The following MAN2A2 variants were observed in gnomAD, a reference collection of about 807,000 sequenced individuals.
MAN2A2 encodes mannosidase alpha class 2A member 2.
MAN2A2 carries 79 observed loss-of-function variants against 126.8 expected under a neutral mutation model. That is an observed-to-expected ratio of 0.62 (90% CI 0.52 to 0.75). The LOEUF (loss-of-function observed/expected upper bound fraction) is 0.75, where lower values mean the gene tolerates loss of function less well. MAN2A2 is among the 30% of genes least tolerant of loss of function. The probability of loss-of-function intolerance (pLI) is 0.00; values close to 1 mark genes in which losing one functional copy is unlikely to be tolerated. For missense variants in MAN2A2, 1,392 were observed against 1,522.4 expected (o/e 0.91, Z 1.43); for synonymous variants, 671 against 618.7 (o/e 1.08, Z -1.25).
intron 22 of MAN2A2, 80 bp from the exon 23 acceptor site, chr15:90,919,555 T>C: frequency 6.5e-7 from 1 of 1,530,684 alleles, no homozygotes; most frequent in South Asian, 1.2e-5. Flanking sequence ...CTTAAAGAGG[T>C]ACCAAATTGT....
chr15:90,905,359 A>T lies in MAN2A2; in HGVS notation c.241A>T (p.Asn81Tyr). The T allele has an allele frequency of 2.5e-6, 4 of 1,613,942 alleles. No homozygotes were observed. The highest frequency in any genetic ancestry group is 3.4e-6 in the Non-Finnish European group (4 of 1,180,040). The change falls in exon 3 of 23, where the codon AAC becomes TAC. Residue 81 changes from asparagine (N) to tyrosine (Y), a missense_variant. Transcript: ENST00000559717. ...GGACTCCGTGCTGGAGCTGACAGCC[A>T]ACGCAGAGGGCCCGCCCGCCATGCT... ...IKDSVLELTA[N>Y]AEGPPAMLPY...
intron 7 of MAN2A2, 187 bp from the exon 8 acceptor site, chr15:90,907,122 G>T (rs2034359406): frequency 1.2e-6 from 1 of 802,360 alleles, no homozygotes; most frequent in Non-Finnish European, 1.9e-6. Context: ...GCTTCAGCGT[G>T]CCCTGTGTGC....
In MAN2A2 at chr15:90,910,852, T is replaced by C. The variant is rs2034671499; in HGVS notation, c.1766T>C (p.Leu589Pro). 1 of 1,613,918 alleles carries C rather than the reference T, an allele frequency of 6.2e-7. No individual in the cohort carries two copies. The highest frequency in any genetic ancestry group is 8.5e-7 in the Non-Finnish European group (1 of 1,179,860). ...CTCTCCTGCGCCACCCACAGGCTTC[T>C]GCGCTCCCTTGTCAACCTGAAGCAG... ...AVVVDYGVRL[L>P]RSLVNLKQVI... Residue 589 changes from leucine (L) to proline (P), a missense_variant, in exon 12 of 23, where the codon CTG becomes CCG. By Grantham distance (98) the Leu-to-Pro change is moderately conservative. Coordinates refer to ENST00000559717, the MANE Select transcript of MAN2A2 (RefSeq NM_006122.4).
At chr15:90,902,926 G>A (rs1172694909), upstream of MAN2A2, 1 of 150,728 alleles carries the variant, frequency 6.6e-6, no homozygotes, top group Non-Finnish European at 1.5e-5. Flanking sequence ...TGTGAGAGCC[G>A]GCAGCTCGGC....
chr15:90,916,381 T>G, intron 20 of MAN2A2, 125 bp downstream of exon 20: 39 of 1,260,768 alleles, frequency 3.1e-5, no homozygotes, highest in East Asian at 1.6e-4. Flanking sequence ...TAGGGCTGAA[T>G]TCCTGGGGTG....
Position 90,912,673 on chromosome 15 carries a change from A to G in MAN2A2, c.2469+9A>G, listed in dbSNP as rs1303018293. The G allele has an allele frequency of 6.2e-7, 1 of 1,613,802 alleles. No individual in the cohort carries two copies. The highest frequency in any genetic ancestry group is 1.3e-5 in the African/African-American group (1 of 74,918). On this transcript the variant is annotated intron_variant, in intron 16 of 22. Transcript: ENST00000559717. The stretch of plus-strand genomic sequence containing the variant: ...CCGATGGCGAGGCCAAGGTATCCTA[A>G]AGATGCCTTGAACAACCTGGCAGGG...
rs1206042330 is a variant in MAN2A2, at chr15:90,922,024, G to C, written c.*2237G>C. Reference sequence around the variant, plus strand: ...CAAAAATTTTTATACCTCTGGTGTGGGACGGTCTTTTCTAAACTTTAACAT... The same window carrying C: ...CAAAAATTTTTATACCTCTGGTGTGCGACGGTCTTTTCTAAACTTTAACAT... On this transcript the variant is annotated 3_prime_UTR_variant, in exon 23 of 23. Coordinates refer to ENST00000559717, the MANE Select transcript of MAN2A2 (RefSeq NM_006122.4). 2 of 152,092 alleles carry C rather than the reference G, an allele frequency of 1.3e-5. No homozygotes were observed. The highest frequency in any genetic ancestry group is 2.9e-5 in the Non-Finnish European group (2 of 68,030). 9.4% of individuals were successfully genotyped at this position (152,092 alleles called of 1,614,324 possible).
Position 90,910,078 on chromosome 15 carries a change from G to C in MAN2A2, c.1375-12G>C. ...TAGAACTGATGGGAGTGGGTTTTTG[G>C]GGTTCCCACAGGCCCAGTTTGGCAC... On this transcript the variant is annotated splice_polypyrimidine_tract_variant and intron_variant, in intron 9 of 22. Transcript: ENST00000559717. The C allele has an allele frequency of 6.2e-7, 1 of 1,603,550 alleles. No individual in the cohort carries two copies. The highest frequency in any genetic ancestry group is 1.1e-5 in the South Asian group (1 of 90,268).
intron 20 of MAN2A2, among the ~76,000 whole-genome samples, 200 bp from the exon 21 acceptor site, chr15:90,917,994 C>T (rs1596181688): frequency 6.6e-6 from 1 of 152,158 alleles, no homozygotes; most frequent in South Asian, 2.1e-4. Context: ...TGAAGTAGCC[C>T]TCTGCGTTAG....
At chr15:90,914,663 G>A (rs1460311563) in intron 19 of MAN2A2, among the ~76,000 whole-genome samples, 1 of 152,158 alleles carries the variant, frequency 6.6e-6, no homozygotes, top group African/African-American at 2.4e-5. Context: ...GGGATTACAG[G>A]CGCCCGCCAC....
intron 5 of MAN2A2, 22 bp from the exon 6 acceptor site, chr15:90,906,348 G>A: frequency 6.2e-7 from 1 of 1,614,014 alleles, no homozygotes; most frequent in Non-Finnish European, 8.5e-7. Context: ...GCTCCGTCCT[G>A]AGTGTGAGTC....
chr15:90,911,625 TC>T, intron 14 of MAN2A2, 75 bp downstream of exon 14: 1 of 1,456,726 alleles, frequency 6.9e-7, no homozygotes. Context: ...GACGCCAGCC[TC>T]CCACCCTCCT....
rs774738677 is a variant in MAN2A2 at position 90,910,970 on chromosome 15, C to T, written c.1875+9C>T. On this transcript the variant is annotated intron_variant, in intron 12 of 22. Coordinates refer to ENST00000559717, the MANE Select transcript of MAN2A2 (RefSeq NM_006122.4). ...CGCCCTTCCTCCAAGTGGTGAGCCC[C>T]TCCTGGGTCTGCATGGGGACCCTCT... 1 of 1,609,390 alleles carries T rather than the reference C, an allele frequency of 6.2e-7. No homozygotes were observed. The highest frequency in any genetic ancestry group is 2.2e-5 in the East Asian group (1 of 44,852).
chr15:90,913,832 C>G (rs2034968796), intron 19 of MAN2A2, 77 bp downstream of exon 19: 3 of 1,475,394 alleles, frequency 2.0e-6, no homozygotes, highest in African/African-American at 2.8e-5. Flanking sequence ...GCTCCCCGCT[C>G]TGTTGGCCTC....
chr15:90,920,111 G>A lies in MAN2A2; in HGVS notation c.*324G>A, dbSNP rs1377684456. ...AGGCACCCATCCTTTTTCCAAACAG[G>A]GATATAGAAGTGGTGGAAGCAGACA... On this transcript the variant is annotated 3_prime_UTR_variant, in exon 23 of 23. Transcript: ENST00000559717. 2 of 296,184 alleles carry A rather than the reference G, an allele frequency of 6.8e-6. No individual in the cohort carries two copies. Among genetic ancestry groups the A allele is most frequent in the Non-Finnish European group, 6.4e-6 (1 of 155,590 alleles). The allele number at this position is 296,184 out of a possible 1,614,324, so 18.3% of individuals were successfully genotyped here. A position where few individuals can be genotyped will look rare whatever the true frequency, so the allele number is the denominator to read the frequency against.
At position 90,910,305 on chromosome 15, in the gene MAN2A2, C is replaced by G; in HGVS notation, c.1577+13C>G. ...AAGCCCACCTGCGGTGAGACCCTGT[C>G]CCCGCTTCCAGGCTGGAGGGGGAGA... On this transcript the variant is annotated intron_variant, in intron 10 of 22. Transcript: ENST00000559717. The G allele has an allele frequency of 3.1e-6, 5 of 1,613,312 alleles. No individual in the cohort carries two copies. Among genetic ancestry groups the G allele is most frequent in the Non-Finnish European group, 4.2e-6 (5 of 1,179,624 alleles).
At position 90,904,316 on chromosome 15, in the gene MAN2A2, C is replaced by A. The variant is rs2034074557; in HGVS notation, c.109C>A (p.Gln37Lys). The A allele has an allele frequency of 6.2e-7, 1 of 1,613,970 alleles. No homozygotes were observed. The highest frequency in any genetic ancestry group is 1.3e-5 in the African/African-American group (1 of 74,912). ...AGTGCAACACGATCCCACCCGACAC[C>A]AGAATGGTGGGAACTTCCCCCGGGT... ...DRVQHDPTRH[Q>K]NGGNFPRSQI... The change falls in exon 2 of 23, where the codon CAG (glutamine) becomes AAG (lysine). Residue 37 changes from glutamine to lysine, a missense_variant. Gln to Lys is a moderately conservative substitution (Grantham distance 53). Transcript: ENST00000559717.
At chr15:90,904,629 G>A (rs994402809) in intron 2 of MAN2A2, among the ~76,000 whole-genome samples, 7 of 149,156 alleles carry the variant, frequency 4.7e-5, no homozygotes, top group East Asian at 2.0e-4. Flanking sequence ...TCGCTCTGTC[G>A]CCCAGCCTTG....
In MAN2A2 at chr15:90,904,289, C is replaced by G. The variant is rs756713868; in HGVS notation, c.82C>G (p.Arg28Gly). 2.9e-5 allele frequency: 47 copies of G among 1,614,018 alleles called. No homozygotes were observed. The highest frequency in any genetic ancestry group is 2.9e-5 in the Non-Finnish European group (34 of 1,180,028). The change falls in exon 2 of 23, where the codon CGA becomes GGA. Residue 28 changes from arginine (R) to glycine (G), a missense_variant. Physicochemically the swap from Arg to Gly is moderately radical, Grantham distance 125. Transcript: ENST00000559717. ...AVFSLYLMLD[R>G]VQHDPTRHQN... ...CTTCTCGCTCTACCTCATGCTGGAC[C>G]GAGTGCAACACGATCCCACCCGACA...
Sources: allele counts gnomAD v4.1 joint callset (sites outside exome capture counted in the v4.1 genomes callset), GRCh38; gene constraint gnomAD v4.1.1; transcripts MANE v1.5; gene names NCBI Gene and HGNC (gene_info 2026-07-23, HGNC 2026-07-21).